WDR20: variants seen among roughly 807,000 people sequenced by gnomAD.
WDR20 encodes WD repeat-containing protein 20.
A neutral mutation model predicts 38.7 loss-of-function variants in WDR20; 3 were observed. That is an observed-to-expected ratio of 0.08 (90% CI 0.04 to 0.20). The LOEUF is 0.20. WDR20 is among the 10% of genes least tolerant of loss of function. The pLI is 1.00. For synonymous variants in WDR20, 298 were observed against 285.6 expected, an observed-to-expected ratio of 1.04 and a Z score of -0.44; for missense variants, 559 against 727.7, an observed-to-expected ratio of 0.77 and a Z score of 2.67.
At position 102,210,359 on chromosome 14, in the gene WDR20, G is replaced by C. The variant is rs1029713679; in HGVS notation, c.*479G>C. ...TTTTATCTTAATCATAAAATGTTTA[G>C]GAATCTATGAAATTTAACTTTAGGA... On this transcript the variant is annotated 3_prime_UTR_variant, in exon 3 of 3. Transcript: ENST00000342702. 13 of 985,570 alleles carry C rather than the reference G, an allele frequency of 1.3e-5. No homozygotes were observed. In the African/African-American group the frequency reaches 2.1e-4, roughly 16 times the overall value. The allele number at this position is 985,570 out of a possible 1,614,324, so 61.1% of individuals were successfully genotyped here.
upstream of WDR20, chr14:102,139,851 G>A: frequency 6.4e-7 from 1 of 1,572,350 alleles, no homozygotes; most frequent in Non-Finnish European, 8.7e-7. Flanking sequence ...GGGGAAGAGG[G>A]AGCACCAGGA....
rs184424317 is a variant in WDR20 at position 102,141,395 on chromosome 14, G to C, written c.249+1223G>C. On this transcript the variant is annotated intron_variant, in intron 1 of 2. Transcript: ENST00000342702. ...GTAGCAAAGTTGTTTCTTTGATTCA[G>C]GGTGAATCTTTTTTTCTTAGTCTTT... Among the ~76,000 whole-genome samples, 309 of 152,316 alleles carry C rather than the reference G, an allele frequency of 2.0e-3. 7 individuals carry two copies. The highest frequency in any genetic ancestry group is 0.02 in the Admixed American group (305 of 15,290).
At chr14:102,166,123 A>G (rs1317627354) in intron 1 of WDR20, among the ~76,000 whole-genome samples, 1 of 36,964 alleles carries the variant, frequency 2.7e-5, no homozygotes, top group African/African-American at 1.1e-4. Flanking sequence ...CCCCCTTCTC[A>G]CCCCCAGATT....
intron 1 of WDR20, among the ~76,000 whole-genome samples, chr14:102,150,635 G>A (rs575131142): frequency 6.6e-6 from 1 of 152,070 alleles, no homozygotes; most frequent in African/African-American, 2.4e-5. Context: ...ACTTGTACAG[G>A]TGCTCATTCT....
In WDR20 at chr14:102,194,759, C is replaced by G. The variant is rs3737299; in HGVS notation, c.250-179C>G. Reference sequence around the variant, plus strand: ...AGATAGTCTAATAATATCTAATTGGCTAAGGTATGTGAAAGTGCTTTTATA... The same window carrying G: ...AGATAGTCTAATAATATCTAATTGGGTAAGGTATGTGAAAGTGCTTTTATA... On this transcript the variant is annotated intron_variant, in intron 1 of 2. Transcript: ENST00000342702. 3.8e-3 allele frequency among the ~76,000 whole-genome samples: 586 copies of G among 152,208 alleles called. 9 individuals are homozygous for G. The East Asian group carries it at 0.048, about 13-fold the overall frequency.
chr14:102,212,883 A>G, downstream of WDR20: 6 of 1,157,162 alleles, frequency 5.2e-6, no homozygotes, highest in Non-Finnish European at 6.4e-6. Flanking sequence ...AATCTGTGGA[A>G]TAAAACACAG....
At chr14:102,195,995 C>G (rs2059352391) in intron 2 of WDR20, 1 of 152,204 alleles carries the variant, frequency 6.6e-6, no homozygotes, top group African/African-American at 2.4e-5. Flanking sequence ...GGGACCCCCT[C>G]CCTTTTGCAT....
intron 1 of WDR20, among the ~76,000 whole-genome samples, chr14:102,186,650 A>C (rs1329654968): frequency 6.6e-6 from 1 of 152,054 alleles, no homozygotes; most frequent in Non-Finnish European, 1.5e-5. Context: ...AAGCCTGACT[A>C]GGTTAAAAGT....
At chr14:102,159,783 G>A (rs900069129) in intron 1 of WDR20, among the ~76,000 whole-genome samples, 16 of 151,902 alleles carry the variant, frequency 1.1e-4, no homozygotes, top group Non-Finnish European at 2.4e-4. Context: ...GTAGTGAACC[G>A]AGATCAAGCC....
chr14:102,208,570 G>C lies in WDR20; in HGVS notation c.433-33G>C. The C allele has an allele frequency of 6.4e-7, 1 of 1,559,476 alleles. No homozygotes were observed. Among genetic ancestry groups the C allele is most frequent in the South Asian group, 1.2e-5 (1 of 82,564 alleles). On this transcript the variant is annotated intron_variant, in intron 2 of 2. Transcript: ENST00000342702. The surrounding 1 kb of genome is among the most constrained non-coding windows in gnomAD (Gnocchi z 5.6). ...AAAAGTAGACCTTTGAGACTTCTCC[G>C]TTGTGCTAACTTGTTCTCCTTTGTC... is the stretch of plus-strand genomic sequence containing the variant.
At position 102,209,116 on chromosome 14, in the gene WDR20, A is replaced by G. The variant is rs1457343182; in HGVS notation, c.946A>G (p.Thr316Ala). 1.2e-6 allele frequency: 2 copies of G among 1,614,090 alleles called. No homozygotes were observed. Among genetic ancestry groups the G allele is most frequent in the Non-Finnish European group, 8.5e-7 (1 of 1,180,006 alleles). ...WVSVVAFDPYTTSVEEGDPME... is the reference protein window; with the variant it reads ...WVSVVAFDPYATSVEEGDPME... ...CAGTGTTGTAGCGTTTGACCCTTAT[A>G]CCACTAGTGTAGAAGAAGGTGACCC... Residue 316 changes from threonine (T) to alanine (A), a missense_variant, in exon 3 of 3, where the codon ACC (threonine) becomes GCC (alanine). Transcript: ENST00000342702. This position sits in a 1 kb window ranked among gnomAD's most constrained non-coding sequence, Gnocchi z 6.0.
chr14:102,213,947 G>T (rs2062879765), downstream of WDR20: 1 of 985,304 alleles, frequency 1.0e-6, no homozygotes, highest in Non-Finnish European at 1.2e-6. Context: ...GATTTTCTGG[G>T]GAACGATTCA....
chr14:102,200,695 T>A (rs1332290717), intron 2 of WDR20, among the ~76,000 whole-genome samples: 3 of 152,220 alleles, frequency 2.0e-5, no homozygotes, highest in Non-Finnish European at 4.4e-5. Flanking sequence ...GTGTTAATTG[T>A]TGGCTGAAAT....
intron 2 of WDR20, among the ~76,000 whole-genome samples, chr14:102,200,495 G>GTT (rs1346582612): frequency 9.8e-5 from 13 of 132,132 alleles, no homozygotes; most frequent in Non-Finnish European, 2.1e-4. Context: ...GTGTGTGTGT[G>GTT]TGTGTGTGTG....
At chr14:102,217,702 C>A (rs1163733825), downstream of WDR20, among the ~76,000 whole-genome samples, 1 of 152,208 alleles carries the variant, frequency 6.6e-6, no homozygotes, top group Non-Finnish European at 1.5e-5. Context: ...GCTGCTTTCT[C>A]CAGGTTTGCT....
chr14:102,147,883 A>G (rs2054244930), intron 1 of WDR20, among the ~76,000 whole-genome samples: 1 of 152,134 alleles, frequency 6.6e-6, no homozygotes, highest in South Asian at 2.1e-4. Flanking sequence ...GGCACCTGCC[A>G]CCACACCCAG....
chr14:102,165,755 G>A (rs1171031363), intron 1 of WDR20, among the ~76,000 whole-genome samples: 1 of 150,068 alleles, frequency 6.7e-6, no homozygotes, highest in African/African-American at 2.5e-5. Flanking sequence ...TCCCACCTCA[G>A]CCTCCCAAGT....
In WDR20 at chr14:102,209,485, G is replaced by A. The variant is rs200833496; in HGVS notation, c.1315G>A (p.Ala439Thr). The A allele has an allele frequency of 2.5e-6, 4 of 1,614,078 alleles. No homozygotes were observed. The highest frequency in any genetic ancestry group is 2.7e-5 in the African/African-American group (2 of 74,924). Residue 439 changes from alanine (A) to threonine (T), a missense_variant, in exon 3 of 3, where the codon GCA becomes ACA. Coordinates refer to ENST00000342702, the MANE Select transcript of WDR20 (RefSeq NM_144574.4). The surrounding 1 kb of genome is among the most constrained non-coding windows in gnomAD (Gnocchi z 6.0). Reference sequence around the variant, plus strand: ...ACGGTCCAACAGCCTTCCACATTCAGCAGTCTCAAATGCTGGCAGCAAAAG... The same window carrying A: ...ACGGTCCAACAGCCTTCCACATTCAACAGTCTCAAATGCTGGCAGCAAAAG... Reference protein sequence around the residue: ...LPRSNSLPHSAVSNAGSKSSV... With the variant: ...LPRSNSLPHSTVSNAGSKSSV...
chr14:102,212,613 GGA>G (rs144559134), downstream of WDR20: 2 of 1,535,538 alleles, frequency 1.3e-6, no homozygotes, highest in African/African-American at 2.7e-5. Context: ...AGAGGGCACT[GGA>G]GAGAGGGGCA....
Sources: gnomAD v4.1 joint callset for allele counts (sites outside exome capture counted in the v4.1 genomes callset) on GRCh38, gnomAD v4.1.1 for gene constraint, Gnocchi (gnomAD v3.1) non-coding constraint, MANE v1.5 for transcripts, NCBI Gene and HGNC (gene_info 2026-07-23, HGNC 2026-07-21) for gene names.